The following CSMD1 variants were observed in gnomAD, a reference collection of about 807,000 sequenced individuals.
CSMD1 encodes CUB and sushi domain-containing protein 1.
CSMD1 carries 213 observed loss-of-function variants against 417.5 expected under a neutral mutation model. The observed-to-expected ratio is 0.51, with a 90% confidence interval of 0.46 to 0.57. CSMD1 has a LOEUF of 0.57. CSMD1 is among the 20% of genes least tolerant of loss of function. The pLI, the probability that CSMD1 is intolerant of heterozygous loss-of-function variation, is 0.00. For missense variants in CSMD1, 6,923 were observed against 4,529.7 expected, an observed-to-expected ratio of 1.53 and a Z score of -15.17; for synonymous variants, 2,862 against 1,736.8, an observed-to-expected ratio of 1.65 and a Z score of -16.11.
intron 3 of CSMD1, among the ~76,000 whole-genome samples, chr8:4,402,842 A>G (rs1264166019): frequency 3.0e-5 from 3 of 101,240 alleles, no homozygotes; most frequent in African/African-American, 3.9e-5. Context: ...TTTTTTGGAG[A>G]CAGAGCCTTG....
intron 2 of CSMD1, among the ~76,000 whole-genome samples, chr8:4,619,054 A>AT (rs1045058248): frequency 5.3e-5 from 8 of 152,254 alleles, no homozygotes; most frequent in African/African-American, 1.7e-4. Flanking sequence ...CTGCTCAAGC[A>AT]TTTTTTCCCG....
intron 3 of CSMD1, among the ~76,000 whole-genome samples, chr8:4,240,076 T>G (rs1802299498): frequency 6.6e-6 from 1 of 152,258 alleles, no homozygotes; most frequent in African/African-American, 2.4e-5. Context: ...AATTAAGCTT[T>G]AAATAAAGCT....
At chr8:3,500,423 GAC>G (rs973203257) in intron 10 of CSMD1, among the ~76,000 whole-genome samples, 1 of 152,124 alleles carries the variant, frequency 6.6e-6, no homozygotes, top group African/African-American at 2.4e-5. Context: ...TTCACGACCA[GAC>G]ACACAGAAAT....
intron 8 of CSMD1, among the ~76,000 whole-genome samples, chr8:3,595,256 A>G (rs1801037767): frequency 6.6e-6 from 1 of 152,198 alleles, no homozygotes; most frequent in Admixed American, 6.5e-5. Flanking sequence ...CATGCTAGGG[A>G]AACAATGTCC....
intron 50 of CSMD1, among the ~76,000 whole-genome samples, chr8:3,046,864 C>A (rs1387714180): frequency 2.6e-4 from 40 of 152,192 alleles, no homozygotes. Flanking sequence ...TATCTTCTTC[C>A]TAGGATTGCT....
At position 4,603,352 on chromosome 8, in the gene CSMD1, A is replaced by C. The variant is rs972413898; in HGVS notation, c.302+33990T>G. Reference sequence around the variant, plus strand: ...AGAATTCAATATATCATTTTAATTTAAACTCATATCAAAACATTATATATT... The same window carrying C: ...AGAATTCAATATATCATTTTAATTTCAACTCATATCAAAACATTATATATT... On this transcript the variant is annotated intron_variant, in intron 2 of 69. Transcript: ENST00000635120. 2.6e-5 allele frequency among the ~76,000 whole-genome samples: 4 copies of C among 152,046 alleles called. No homozygotes were observed. In the East Asian group the frequency reaches 7.7e-4, roughly 29 times the overall value.
At chr8:3,376,678 C>T (rs1323511677) in intron 18 of CSMD1, among the ~76,000 whole-genome samples, 1 of 152,056 alleles carries the variant, frequency 6.6e-6, no homozygotes, top group African/African-American at 2.4e-5. Context: ...ATGTTCACTT[C>T]TTTAACATTT....
intron 26 of CSMD1, among the ~76,000 whole-genome samples, chr8:3,283,451 A>G (rs1243933412): frequency 6.7e-6 from 1 of 149,806 alleles, no homozygotes; most frequent in Admixed American, 6.6e-5. Context: ...TTTTTTTTTT[A>G]TGTAACTAAG....
chr8:4,783,921 A>G (rs1300727695), intron 1 of CSMD1, among the ~76,000 whole-genome samples: 1 of 152,212 alleles, frequency 6.6e-6, no homozygotes, highest in East Asian at 1.9e-4. Flanking sequence ...ACCGTGAATA[A>G]AAGTTGGCTC....
intron 26 of CSMD1, among the ~76,000 whole-genome samples, chr8:3,271,380 A>G (rs528306955): frequency 1.3e-5 from 2 of 152,102 alleles, no homozygotes; most frequent in East Asian, 3.9e-4. Context: ...ATAATGCCAC[A>G]ATAAACATAC....
chr8:4,967,441 A>G (rs961095901), intron 1 of CSMD1, among the ~76,000 whole-genome samples: 1 of 152,188 alleles, frequency 6.6e-6, no homozygotes, highest in African/African-American at 2.4e-5. Flanking sequence ...CTACTAAGGT[A>G]AGAGATGTTA....
chr8:3,368,482 A>G (rs930907656), intron 19 of CSMD1, among the ~76,000 whole-genome samples: 4 of 152,096 alleles, frequency 2.6e-5, no homozygotes, highest in African/African-American at 9.7e-5. Flanking sequence ...GATTACAGGC[A>G]TGCACCACGA....
At chr8:4,207,643 G>A (rs1225184659) in intron 3 of CSMD1, among the ~76,000 whole-genome samples, 2 of 152,080 alleles carry the variant, frequency 1.3e-5, no homozygotes, top group South Asian at 2.1e-4. Flanking sequence ...AGAGGGGGTT[G>A]TTTATGTATT....
At chr8:3,510,117 G>A (rs956014832) in intron 10 of CSMD1, among the ~76,000 whole-genome samples, 1 of 149,522 alleles carries the variant, frequency 6.7e-6, no homozygotes, top group Middle Eastern at 3.4e-3. Flanking sequence ...CTGAACATAA[G>A]GACATGAATT....
intron 5 of CSMD1, among the ~76,000 whole-genome samples, chr8:3,989,535 G>A (rs185663005): frequency 6.6e-6 from 1 of 152,160 alleles, no homozygotes. Context: ...TAAAGCACAT[G>A]ATCTATTTAT....
At chr8:3,280,523 T>A (rs934320714) in intron 26 of CSMD1, among the ~76,000 whole-genome samples, 8 of 152,190 alleles carry the variant, frequency 5.3e-5, no homozygotes, top group African/African-American at 1.9e-4. Flanking sequence ...GTCAATGTTA[T>A]ATTCTAGCCC....
At chr8:4,168,406 A>G (rs1171145439) in intron 3 of CSMD1, among the ~76,000 whole-genome samples, 1 of 151,886 alleles carries the variant, frequency 6.6e-6, no homozygotes, top group Non-Finnish European at 1.5e-5. Context: ...CTCTCTCAAT[A>G]TATATTTTAC....
intron 2 of CSMD1, among the ~76,000 whole-genome samples, chr8:4,477,768 A>AT (rs1412757446): frequency 6.6e-6 from 1 of 152,156 alleles, no homozygotes; most frequent in Non-Finnish European, 1.5e-5. Context: ...ACAATACTGT[A>AT]TTTTAAGTGA....
intron 23 of CSMD1, among the ~76,000 whole-genome samples, chr8:3,319,110 A>G (rs776243970): frequency 6.6e-6 from 1 of 152,188 alleles, no homozygotes; most frequent in African/African-American, 2.4e-5. Context: ...TTGCATCCAG[A>G]TAATAACTGA....
Sources: allele counts gnomAD v4.1 joint callset (sites outside exome capture counted in the v4.1 genomes callset), GRCh38; gene constraint gnomAD v4.1.1; transcripts MANE v1.5; gene names NCBI Gene and HGNC (gene_info 2026-07-23, HGNC 2026-07-21).